GMDS: variants seen among roughly 807,000 people sequenced by gnomAD.
GMDS encodes the protein GDP-mannose 4,6 dehydratase.
A neutral mutation model predicts 49.9 loss-of-function variants in GMDS; 20 were observed. The ratio of observed to expected loss-of-function variants is 0.40; its 90% confidence interval spans 0.28 to 0.58. The LOEUF is 0.58. GMDS is among the 20% of genes least tolerant of loss of function. The pLI is 0.42. For missense variants in GMDS, 362 were observed against 481.4 expected (o/e 0.75, Z 2.32); for synonymous variants, 177 against 178.6 (o/e 0.99, Z 0.07).
intron 7 of GMDS, among the ~76,000 whole-genome samples, chr6:1,771,428 C>T (rs1360283520): frequency 2.6e-5 from 4 of 152,192 alleles, no homozygotes; most frequent in Non-Finnish European, 4.4e-5. Context: ...ATTATGATAA[C>T]AATGCCTCCT....
At chr6:2,047,578 TC>T in intron 4 of GMDS, among the ~76,000 whole-genome samples, 1 of 152,046 alleles carries the variant, frequency 6.6e-6, no homozygotes, top group East Asian at 1.9e-4. Flanking sequence ...AACCTCCGCC[TC>T]CTGGGTTCCA....
intron 1 of GMDS, among the ~76,000 whole-genome samples, chr6:2,134,954 C>T (rs572031446): frequency 6.6e-6 from 1 of 152,174 alleles, no homozygotes; most frequent in Admixed American, 6.5e-5. Flanking sequence ...TATCTCACAA[C>T]ATCCTGGTGA....
intron 1 of GMDS, among the ~76,000 whole-genome samples, chr6:2,169,309 T>C (rs1334236708): frequency 2.0e-5 from 3 of 152,184 alleles, no homozygotes; most frequent in Admixed American, 2.0e-4. Context: ...AAAGAGTTCC[T>C]TCAACAACAC....
At chr6:2,109,615 G>T (rs1774432912) in intron 4 of GMDS, among the ~76,000 whole-genome samples, 1 of 152,174 alleles carries the variant, frequency 6.6e-6, no homozygotes, top group South Asian at 2.1e-4. Flanking sequence ...GTGTGGACCT[G>T]GATATGAAGT....
At chr6:2,069,702 T>C (rs1473749086) in intron 4 of GMDS, among the ~76,000 whole-genome samples, 1 of 152,002 alleles carries the variant, frequency 6.6e-6, no homozygotes, top group African/African-American at 2.4e-5. Context: ...GAAATGCAAA[T>C]CAAAACCACA....
chr6:1,667,595 G>A (rs1764274768), intron 9 of GMDS, among the ~76,000 whole-genome samples: 1 of 152,118 alleles, frequency 6.6e-6, no homozygotes, highest in South Asian at 2.1e-4. Flanking sequence ...ATATGAACAT[G>A]CTGAAAGAAT....
intron 1 of GMDS, among the ~76,000 whole-genome samples, chr6:2,224,013 GA>G (rs1322049775): frequency 1.3e-5 from 2 of 152,152 alleles, no homozygotes; most frequent in Non-Finnish European, 2.9e-5. Context: ...GCAGAGGAGG[GA>G]AAATCAAGAG....
chr6:2,135,595 A>ACAT (rs61342699), intron 1 of GMDS, among the ~76,000 whole-genome samples: 14,289 of 149,494 alleles, frequency 0.096, 2,133 homozygotes, highest in African/African-American at 0.32. Flanking sequence ...CACATCTACC[A>ACAT]CATCATCATC....
At chr6:1,786,121 A>G (rs1314639321) in intron 7 of GMDS, among the ~76,000 whole-genome samples, 1 of 152,246 alleles carries the variant, frequency 6.6e-6, no homozygotes, top group East Asian at 1.9e-4. Flanking sequence ...AAGGTCTTGG[A>G]AAGTCTTTCT....
intron 1 of GMDS, among the ~76,000 whole-genome samples, chr6:2,229,594 C>T (rs1780985747): frequency 6.6e-6 from 1 of 151,914 alleles, no homozygotes; most frequent in Admixed American, 6.6e-5. Flanking sequence ...AGTAAATTTG[C>T]CTGTGACACC....
chr6:1,871,441 T>C (rs2113803619), intron 7 of GMDS, among the ~76,000 whole-genome samples: 1 of 152,344 alleles, frequency 6.6e-6, no homozygotes, highest in East Asian at 1.9e-4. Flanking sequence ...TTAAGGCCAT[T>C]ATTATTTCAA....
At chr6:1,928,813 A>T (rs1762147966) in intron 7 of GMDS, among the ~76,000 whole-genome samples, 1 of 152,096 alleles carries the variant, frequency 6.6e-6, no homozygotes, top group Non-Finnish European at 1.5e-5. Flanking sequence ...TGCTAAAAAA[A>T]CAAAAATTAG....
At chr6:1,667,141 T>C (rs1268747430) in intron 9 of GMDS, among the ~76,000 whole-genome samples, 10 of 152,236 alleles carry the variant, frequency 6.6e-5, no homozygotes, top group Admixed American at 5.9e-4. Context: ...GGTAGGGTTC[T>C]ATAGAAGAAG....
At chr6:1,954,967 C>G (rs1412844254) in intron 6 of GMDS, among the ~76,000 whole-genome samples, 3 of 151,980 alleles carry the variant, frequency 2.0e-5, no homozygotes, top group Non-Finnish European at 4.4e-5. Context: ...ACAATCACAA[C>G]AGCAAAACCA....
chr6:2,056,900 T>C (rs1170109064), intron 4 of GMDS, among the ~76,000 whole-genome samples: 1 of 152,236 alleles, frequency 6.6e-6, no homozygotes. Flanking sequence ...AACCTCATTA[T>C]ATTTTTTAAA....
intron 9 of GMDS, among the ~76,000 whole-genome samples, chr6:1,649,800 C>T (rs1763594671): frequency 6.6e-6 from 1 of 152,180 alleles, no homozygotes; most frequent in South Asian, 2.1e-4. Flanking sequence ...TACTGCACTT[C>T]GAAGACACCC....
intron 9 of GMDS, among the ~76,000 whole-genome samples, chr6:1,636,628 A>G (rs970110295): frequency 1.3e-5 from 2 of 152,178 alleles, no homozygotes; most frequent in African/African-American, 4.8e-5. Flanking sequence ...ACGGGCTCCC[A>G]TGGAGGGATG....
At chr6:2,056,997 A>G (rs1330599387) in intron 4 of GMDS, among the ~76,000 whole-genome samples, 1 of 152,268 alleles carries the variant, frequency 6.6e-6, no homozygotes, top group African/African-American at 2.4e-5. Flanking sequence ...TGCCCATTTA[A>G]TATGAATACA....
intron 1 of GMDS, among the ~76,000 whole-genome samples, chr6:2,164,997 T>G (rs1383047789): frequency 6.6e-6 from 1 of 152,248 alleles, no homozygotes; most frequent in Non-Finnish European, 1.5e-5. Flanking sequence ...GAGTATCCAA[T>G]GGTGATATCT....
Sources: allele counts gnomAD v4.1 joint callset (sites outside exome capture counted in the v4.1 genomes callset), GRCh38; gene constraint gnomAD v4.1.1; transcripts MANE v1.5; gene names NCBI Gene and HGNC (gene_info 2026-07-23, HGNC 2026-07-21).